The following NCKAP5 variants were observed in gnomAD, a reference collection of about 807,000 sequenced individuals.
NCKAP5 encodes the protein nck-associated protein 5.
Under a neutral mutation model 167.0 loss-of-function variants are expected in NCKAP5, and 92 were observed. That is an observed-to-expected ratio of 0.55 (90% CI 0.47 to 0.66). The LOEUF (loss-of-function observed/expected upper bound fraction) is 0.66. NCKAP5 is among the 30% of genes least tolerant of loss of function. The pLI is 0.00. For missense variants in NCKAP5, 2,378 were observed against 2,315.0 expected (o/e 1.03, Z -0.56); for synonymous variants, 891 against 877.4 (o/e 1.02, Z -0.27).
chr2:133,354,294 C>CTT (rs561928273), intron 3 of NCKAP5, among the ~76,000 whole-genome samples: 107 of 133,488 alleles, frequency 8.0e-4, no homozygotes, highest in Middle Eastern at 7.2e-3. Flanking sequence ...TCTCTCTTTC[C>CTT]TTTTTTTTTT....
rs190004831 is a variant in NCKAP5, at chr2:133,309,656, T to G, written c.70-6546A>C. ...TTTAATGCACATGTTTCAGGGCAAT[T>G]AGTATGAAACATTTAAAGTGATTAG... On this transcript the variant is annotated intron_variant, in intron 3 of 19. Coordinates refer to ENST00000409261, the MANE Select transcript of NCKAP5 (RefSeq NM_207363.3). Among the ~76,000 whole-genome samples the G allele has an allele frequency of 2.6e-5, 4 of 152,340 alleles. No homozygotes were observed. The East Asian group carries it at 5.8e-4, about 22-fold the overall frequency.
chr2:132,727,653 C>T lies in NCKAP5; in HGVS notation c.5580+1163G>A, dbSNP rs1459490472. On this transcript the variant is annotated intron_variant, in intron 18 of 19. Coordinates refer to ENST00000409261, the MANE Select transcript of NCKAP5 (RefSeq NM_207363.3). ...GCATGGCAGAACACAGCAGTTTCCTCCTTTGCCTCTCAGACCCACGTCTTG... is the reference window on the plus strand; with the variant it reads ...GCATGGCAGAACACAGCAGTTTCCTTCTTTGCCTCTCAGACCCACGTCTTG... Among the ~76,000 whole-genome samples, 6 of 152,226 alleles carry T rather than the reference C, an allele frequency of 3.9e-5. No individual in the cohort carries two copies. In the East Asian group the frequency reaches 9.6e-4, roughly 24 times the overall value.
chr2:133,208,660 A>T (rs1311017877), intron 5 of NCKAP5, among the ~76,000 whole-genome samples: 2 of 152,178 alleles, frequency 1.3e-5, no homozygotes, highest in Non-Finnish European at 1.5e-5. Flanking sequence ...ATCTGGATAA[A>T]GCATGGACTT....
intron 5 of NCKAP5, among the ~76,000 whole-genome samples, chr2:133,151,824 G>T (rs2083394736): frequency 1.3e-5 from 2 of 152,256 alleles, no homozygotes; most frequent in East Asian, 3.9e-4. Flanking sequence ...GCACATGGCT[G>T]GGAGCAGTGG....
intron 8 of NCKAP5, among the ~76,000 whole-genome samples, chr2:132,895,994 G>A (rs749220291): frequency 1.3e-5 from 2 of 152,054 alleles, no homozygotes; most frequent in African/African-American, 2.4e-5. Flanking sequence ...AATTAGCTGG[G>A]CGTGGTGGGA....
intron 3 of NCKAP5, among the ~76,000 whole-genome samples, chr2:133,418,679 C>T (rs140549874): frequency 1.3e-5 from 2 of 152,268 alleles, no homozygotes; most frequent in African/African-American, 4.8e-5. Context: ...AGGCAAACAC[C>T]CAGTTCTTTG....
chr2:133,408,410 G>A (rs997467836), intron 3 of NCKAP5, among the ~76,000 whole-genome samples: 3 of 152,104 alleles, frequency 2.0e-5, no homozygotes, highest in East Asian at 1.9e-4. Context: ...CCCTGAGACC[G>A]AAATAATTGC....
At chr2:133,605,669 A>T in the NCKAP5 span, among the ~76,000 whole-genome samples, 1 of 152,184 alleles carries the variant, frequency 6.6e-6, no homozygotes, top group African/African-American at 2.4e-5. Flanking sequence ...TATCAACATA[A>T]ATAATTTGCA....
chr2:133,624,329 C>T, the NCKAP5 span, among the ~76,000 whole-genome samples: 3 of 152,128 alleles, frequency 2.0e-5, no homozygotes, highest in Non-Finnish European at 2.9e-5. Flanking sequence ...GCAGCCCTCT[C>T]CAAGATCCAT....
chr2:133,392,673 C>A lies in NCKAP5; in HGVS notation c.70-89563G>T, dbSNP rs576903556. ...AAATAAATGGAGACATAGGTTCCTC[C>A]CCTTAATAAGCTTAAAATTGAATAA... On this transcript the variant is annotated intron_variant, in intron 3 of 19. Transcript: ENST00000409261. Among the ~76,000 whole-genome samples the A allele has an allele frequency of 3.9e-5, 6 of 152,136 alleles. No homozygotes were observed. The East Asian group carries it at 1.2e-3, about 29-fold the overall frequency.
At chr2:133,526,153 G>A (rs1300464931) in intron 2 of NCKAP5, among the ~76,000 whole-genome samples, 1 of 145,656 alleles carries the variant, frequency 6.9e-6, no homozygotes, top group Non-Finnish European at 1.5e-5. Flanking sequence ...GGGAGGAACA[G>A]AGAAAGGGAA....
chr2:133,172,648 T>G (rs13392024), intron 5 of NCKAP5, among the ~76,000 whole-genome samples: 9,376 of 151,924 alleles, frequency 0.062, 391 homozygotes, highest in East Asian at 0.18. Context: ...TCGTTTTTTT[T>G]TTGTTGTTGT....
chr2:132,722,826 T>G (rs1053375187), intron 19 of NCKAP5, among the ~76,000 whole-genome samples: 4 of 150,980 alleles, frequency 2.6e-5, no homozygotes, highest in Non-Finnish European at 5.9e-5. Flanking sequence ...TGTTGTTGTT[T>G]TTGTTTTGAG....
chr2:133,248,909 C>T (rs2088148693), intron 4 of NCKAP5, among the ~76,000 whole-genome samples: 1 of 152,204 alleles, frequency 6.6e-6, no homozygotes, highest in South Asian at 2.1e-4. Flanking sequence ...ATCATCTGCT[C>T]CTCACTACTC....
intron 5 of NCKAP5, among the ~76,000 whole-genome samples, chr2:133,159,969 T>C (rs528701431): frequency 2.1e-4 from 32 of 152,240 alleles, no homozygotes; most frequent in African/African-American, 6.7e-4. Flanking sequence ...ATGATGGGGA[T>C]ATGTAGTCCC....
chr2:132,999,864 T>A (rs2077722838), intron 6 of NCKAP5, among the ~76,000 whole-genome samples: 1 of 152,194 alleles, frequency 6.6e-6, no homozygotes, highest in African/African-American at 2.4e-5. Context: ...GAGACTAACT[T>A]CATTTTTGAC....
At chr2:133,382,247 C>A (rs1686581070) in intron 3 of NCKAP5, among the ~76,000 whole-genome samples, 1 of 152,094 alleles carries the variant, frequency 6.6e-6, no homozygotes, top group African/African-American at 2.4e-5. Context: ...CTATACCTAC[C>A]CCATTACTAT....
intron 8 of NCKAP5, among the ~76,000 whole-genome samples, chr2:132,936,676 A>T (rs1385819677): frequency 6.6e-6 from 1 of 152,220 alleles, no homozygotes; most frequent in Admixed American, 6.5e-5. Context: ...AGTATTGAAA[A>T]TTTAGAAGAC....
chr2:132,757,359 C>T (rs892533399), intron 16 of NCKAP5, among the ~76,000 whole-genome samples: 1 of 152,150 alleles, frequency 6.6e-6, no homozygotes, highest in African/African-American at 2.4e-5. Flanking sequence ...AGCAGTAAGC[C>T]TTGGTTGCAT....
Sources: allele counts gnomAD v4.1 joint callset (sites outside exome capture counted in the v4.1 genomes callset), GRCh38; gene constraint gnomAD v4.1.1; transcripts MANE v1.5; gene names NCBI Gene and HGNC (gene_info 2026-07-23, HGNC 2026-07-21).